The following MUCL1 variants were observed in gnomAD, a reference collection of about 807,000 sequenced individuals.
MUCL1 encodes the protein mucin like 1.
In MUCL1, 11 loss-of-function variants were observed where a neutral mutation model predicts 9.2. The ratio of observed to expected loss-of-function variants is 1.19; its 90% CI spans 0.75 to 1.97. MUCL1 has a LOEUF of 1.97. Among genes scored for constraint, MUCL1 ranks in the 30% most tolerant of loss-of-function variants. The pLI, the probability that MUCL1 is intolerant of heterozygous loss-of-function variation, is 0.00. For missense variants in MUCL1, 144 were observed against 110.9 expected (o/e 1.30, Z -1.34); for synonymous variants, 48 against 40.5 (o/e 1.19, Z -0.71).
chr12:54,856,998 T>C, intron 3 of MUCL1, 106 bp downstream of exon 3: 15 of 1,478,434 alleles, frequency 1.0e-5, no homozygotes, highest in Non-Finnish European at 1.4e-5. Context: ...AGACCTCTTC[T>C]TTACATTGTT....
intron 1 of MUCL1, among the ~76,000 whole-genome samples, chr12:54,840,419 C>T (rs530702467): frequency 1.1e-4 from 16 of 152,322 alleles, no homozygotes; most frequent in Non-Finnish European, 4.4e-5. Flanking sequence ...TATTATTCTG[C>T]CTGCAGATGC....
chr12:54,845,207 T>TC (rs1565776284), intron 1 of MUCL1, among the ~76,000 whole-genome samples: 4 of 151,932 alleles, frequency 2.6e-5, no homozygotes, highest in Non-Finnish European at 1.5e-5. Context: ...TTCATCTTCT[T>TC]AGATACTTTC....
At chr12:54,858,039 G>A (rs1001916534) in intron 3 of MUCL1, among the ~76,000 whole-genome samples, 154 bp from the exon 4 acceptor site, 1 of 152,154 alleles carries the variant, frequency 6.6e-6, no homozygotes, top group African/African-American at 2.4e-5. Context: ...GAAATTGGTT[G>A]TTTATCTTCC....
At position 54,855,123 on chromosome 12, in the gene MUCL1, G is replaced by A. The variant is rs186684604; in HGVS notation, c.66G>A (p.Pro22=). Reference sequence around the variant, plus strand: ...TTCCTTCTTCTCTTTCAGAGAATCCGACAACAGCTGCTCCAGCTGACACGT... The same window carrying A: ...TTCCTTCTTCTCTTTCAGAGAATCCAACAACAGCTGCTCCAGCTGACACGT... The part of the protein sequence containing the change: ...VSIFLVSAQN[P]TTAAPADTYP... The change falls in exon 2 of 4, where the codon CCG becomes CCA. Residue 22 remains proline (P), a synonymous_variant. Coordinates refer to ENST00000308796, the MANE Select transcript of MUCL1 (RefSeq NM_058173.3). 5.5e-5 allele frequency: 89 copies of A among 1,613,116 alleles called. No homozygotes were observed. In the Admixed American group the frequency reaches 8.2e-4, roughly 15 times the overall value.
At chr12:54,858,113 G>T in intron 3 of MUCL1, 80 bp from the exon 4 acceptor site, 1 of 1,533,488 alleles carries the variant, frequency 6.5e-7, no homozygotes, top group Admixed American at 1.7e-5. Context: ...ACACTTGTTA[G>T]TTCCTTCAGA....
intron 2 of MUCL1, 22 bp from the exon 3 acceptor site, chr12:54,856,748 G>A: frequency 6.3e-7 from 1 of 1,592,550 alleles, no homozygotes; most frequent in African/African-American, 1.3e-5. Context: ...GTCTCACCTA[G>A]AGCTTTTCCT....
chr12:54,835,977 G>T (rs930088943), upstream of MUCL1, among the ~76,000 whole-genome samples: 18 of 152,040 alleles, frequency 1.2e-4, 1 homozygote, highest in Admixed American at 9.2e-4. Context: ...GTTGGATTTG[G>T]GTTGCTATTA....
intron 1 of MUCL1, among the ~76,000 whole-genome samples, chr12:54,848,916 A>G (rs868630853): frequency 1.6e-4 from 24 of 152,214 alleles, no homozygotes; most frequent in African/African-American, 5.5e-4. Context: ...ACATTTATCA[A>G]ATAGAGACTT....
upstream of MUCL1, among the ~76,000 whole-genome samples, chr12:54,838,138 T>A (rs1293360061): frequency 6.6e-6 from 1 of 152,226 alleles, no homozygotes; most frequent in Non-Finnish European, 1.5e-5. Flanking sequence ...AGTGACAAAC[T>A]CCCTCAGCAT....
chr12:54,839,191 G>A (rs187462298), upstream of MUCL1, among the ~76,000 whole-genome samples: 1 of 152,174 alleles, frequency 6.6e-6, no homozygotes, highest in African/African-American at 2.4e-5. Context: ...TGAAGACTCT[G>A]TAGGAATTCC....
At chr12:54,830,929 C>T (rs1200199956) in intron 1 of MUCL1, 2 of 152,222 alleles carry the variant, frequency 1.3e-5, no homozygotes, top group East Asian at 3.9e-4. Context: ...AAATTTTAGC[C>T]CACAACTTCC....
chr12:54,857,560 C>T (rs1002741862), intron 3 of MUCL1, among the ~76,000 whole-genome samples: 3 of 151,986 alleles, frequency 2.0e-5, no homozygotes, highest in African/African-American at 7.3e-5. Context: ...ATAAAATTTA[C>T]ATATGTATTA....
At chr12:54,856,634 G>C (rs1393415118) in intron 2 of MUCL1, 136 bp from the exon 3 acceptor site, 22 of 1,201,538 alleles carry the variant, frequency 1.8e-5, no homozygotes, top group Admixed American at 4.6e-5. Context: ...AGGCAGGTAG[G>C]CTAAAGGTAA....
At chr12:54,844,899 C>A (rs1351371602) in intron 1 of MUCL1, among the ~76,000 whole-genome samples, 1 of 152,160 alleles carries the variant, frequency 6.6e-6, no homozygotes, top group Non-Finnish European at 1.5e-5. Context: ...CATGACACTA[C>A]ACAAAAACTA....
At chr12:54,841,521 C>T (rs1447502935) in intron 1 of MUCL1, among the ~76,000 whole-genome samples, 1 of 152,086 alleles carries the variant, frequency 6.6e-6, no homozygotes, top group African/African-American at 2.4e-5. Flanking sequence ...TTTGTCTTTT[C>T]AATAATAGCC....
At chr12:54,856,157 C>G (rs1868297632) in intron 2 of MUCL1, among the ~76,000 whole-genome samples, 1 of 152,138 alleles carries the variant, frequency 6.6e-6, no homozygotes, top group African/African-American at 2.4e-5. Context: ...CCTGTTATAT[C>G]TAATGTGGCT....
chr12:54,858,309 C>A lies in MUCL1; in HGVS notation c.*67C>A, dbSNP rs1401170589. ...TCATGCTTCCTGTGATTTCATCCAA[C>A]TACTTACCTTGCCTACGATATCCCC... On this transcript the variant is annotated 3_prime_UTR_variant, in exon 4 of 4. Coordinates refer to ENST00000308796, the MANE Select transcript of MUCL1 (RefSeq NM_058173.3). 1.1e-5 allele frequency: 17 copies of A among 1,578,476 alleles called. No individual in the cohort carries two copies. The highest frequency in any genetic ancestry group is 1.5e-5 in the Non-Finnish European group (17 of 1,148,004).
chr12:54,858,067 G>A (rs1020938601), intron 3 of MUCL1, 126 bp from the exon 4 acceptor site: 3 of 1,150,402 alleles, frequency 2.6e-6, no homozygotes, highest in Non-Finnish European at 3.9e-6. Context: ...ACAATCCCAT[G>A]TTCCTTTCGA....
rs563050202 is a variant in MUCL1, at chr12:54,845,485, TAA to T, written c.43+6039_43+6040del. Among the ~76,000 whole-genome samples the T allele has an allele frequency of 1.8e-3, 276 of 152,264 alleles. 2 individuals are homozygous for T. The highest frequency in any genetic ancestry group is 6.4e-3 in the African/African-American group (268 of 41,554). On this transcript the variant is annotated intron_variant, in intron 1 of 3. Coordinates refer to the MUCL1 transcript ENST00000546809. ...GAGGTGGCGACGGTTTCCTGTCTCT[TAA>T]GTCTGTTCTGCAACAAAACAAGGCA...
Sources: gnomAD v4.1 joint callset for allele counts (sites outside exome capture counted in the v4.1 genomes callset) on GRCh38, gnomAD v4.1.1 for gene constraint, MANE v1.5 for transcripts, NCBI Gene and HGNC (gene_info 2026-07-23, HGNC 2026-07-21) for gene names.